Variants in ADGRF5 observed in about 807,000 individuals in gnomAD.
ADGRF5 encodes the protein G-protein coupled receptor 116.
ADGRF5 carries 75 observed loss-of-function variants against 132.3 expected under a neutral mutation model. The ratio of observed to expected loss-of-function variants is 0.57; its 90% CI spans 0.47 to 0.69. ADGRF5 has a LOEUF of 0.69. Among genes scored for constraint, ADGRF5 ranks in the 30% least tolerant of loss-of-function variants. The pLI, the probability that ADGRF5 is intolerant of heterozygous loss-of-function variation, is 0.00. For synonymous variants in ADGRF5, 629 were observed against 597.6 expected (o/e 1.05, Z -0.77); for missense variants, 1,516 against 1,630.6 (o/e 0.93, Z 1.21).
At chr6:46,897,607 C>T (rs193066255) in intron 3 of ADGRF5, among the ~76,000 whole-genome samples, 27 of 152,294 alleles carry the variant, frequency 1.8e-4, no homozygotes, top group Admixed American at 8.5e-4. Flanking sequence ...TGGAGTCTCG[C>T]GCTGTCGCCC....
intron 13 of ADGRF5, among the ~76,000 whole-genome samples, chr6:46,865,477 A>T (rs1770310134): frequency 6.6e-6 from 1 of 152,122 alleles, no homozygotes; most frequent in Non-Finnish European, 1.5e-5. Context: ...CCCTATCTAA[A>T]TTTCATCATG....
At chr6:46,908,559 T>C (rs1775627022) in intron 1 of ADGRF5, among the ~76,000 whole-genome samples, 1 of 152,180 alleles carries the variant, frequency 6.6e-6, no homozygotes. Flanking sequence ...TTTCCCAGTG[T>C]TGGCATTGCA....
chr6:46,883,786 G>C, intron 5 of ADGRF5, 121 bp from the exon 6 acceptor site: 1 of 627,262 alleles, frequency 1.6e-6, no homozygotes, highest in Non-Finnish European at 2.7e-6. Context: ...CTGTCTCCCA[G>C]GCTGGAGTGC....
intron 1 of ADGRF5, among the ~76,000 whole-genome samples, chr6:46,953,662 T>G (rs1427513964): frequency 8.3e-6 from 1 of 120,968 alleles, no homozygotes. Flanking sequence ...TATATATATA[T>G]ATATATATAT....
chr6:46,938,670 T>C (rs1042189080), intron 1 of ADGRF5, among the ~76,000 whole-genome samples: 1 of 152,192 alleles, frequency 6.6e-6, no homozygotes, highest in Admixed American at 6.5e-5. Flanking sequence ...CCAGGACTTC[T>C]GGGTTCCCCC....
Position 46,878,329 on chromosome 6 carries a change from T to C in ADGRF5, c.1113A>G (p.Gln371=), listed in dbSNP as rs766979211. 5 of 1,613,272 alleles carry C rather than the reference T, an allele frequency of 3.1e-6. No individual in the cohort carries two copies. The highest frequency in any genetic ancestry group is 4.2e-6 in the Non-Finnish European group (5 of 1,179,256). The stretch of plus-strand genomic sequence containing the variant: ...CCTTCATTTCTTCATTTGCCAAAAT[T>C]TGGATGGGCATAACATCTATTTTCT... ...CKKKIDVMPI[Q]ILANEEMKVM... is the part of the protein sequence containing the mutation. Residue 371 remains glutamine (Q), a synonymous_variant, in exon 10 of 21, where the codon CAA becomes CAG. Coordinates refer to ENST00000283296, the MANE Select transcript of ADGRF5 (RefSeq NM_001098518.2).
chr6:46,876,698 G>A (rs1423965889), intron 10 of ADGRF5, among the ~76,000 whole-genome samples: 1 of 152,060 alleles, frequency 6.6e-6, no homozygotes, highest in Non-Finnish European at 1.5e-5. Context: ...CGGCCTCTCG[G>A]GTTCAAGTGA....
At chr6:46,931,437 C>T (rs1386817834) in intron 1 of ADGRF5, among the ~76,000 whole-genome samples, 1 of 152,232 alleles carries the variant, frequency 6.6e-6, no homozygotes, top group Non-Finnish European at 1.5e-5. Flanking sequence ...CCTCAGTCTC[C>T]AGGTTGCCAT....
intron 2 of ADGRF5, among the ~76,000 whole-genome samples, chr6:46,903,095 G>A (rs1257383908): frequency 6.6e-6 from 1 of 152,100 alleles, no homozygotes; most frequent in Admixed American, 6.5e-5. Flanking sequence ...GCCGGCATGG[G>A]GCTCACTGGG....
At position 46,867,055 on chromosome 6, in the gene ADGRF5, C is replaced by G. The variant is rs1770530109; in HGVS notation, c.1704G>C (p.Lys568Asn). The change falls in exon 13 of 21, where the codon AAG becomes AAC. Residue 568 changes from lysine to asparagine, a missense_variant. Physicochemically the swap from Lys to Asn is moderately conservative, Grantham distance 94 (BLOSUM62 0). Coordinates refer to ENST00000283296, the MANE Select transcript of ADGRF5 (RefSeq NM_001098518.2). ...KDVIVHPLPL[K>N]LNIMVDPLEA... ...CCAAAGGATCAACCATGATGTTCAG[C>G]TTTAGAGGCAGCGGGTGAACAATGA... 1 of 1,613,760 alleles carries G rather than the reference C, an allele frequency of 6.2e-7. No individual in the cohort carries two copies. The highest frequency in any genetic ancestry group is 8.5e-7 in the Non-Finnish European group (1 of 1,179,644).
intron 17 of ADGRF5, among the ~76,000 whole-genome samples, chr6:46,857,788 T>C (rs961938475): frequency 1.3e-4 from 1 of 7,746 alleles, no homozygotes; most frequent in African/African-American, 1.4e-4. Flanking sequence ...GGGCAATCCC[T>C]GTCCTCACAA....
chr6:46,872,654 T>C (rs1029586865), intron 10 of ADGRF5, among the ~76,000 whole-genome samples: 3 of 152,102 alleles, frequency 2.0e-5, no homozygotes, highest in Non-Finnish European at 4.4e-5. Context: ...TAGCTCCCTT[T>C]CCATACCTTT....
In ADGRF5 at chr6:46,867,145, G is replaced by T; in HGVS notation, c.1622-8C>A. On this transcript the variant is annotated splice_region_variant and splice_polypyrimidine_tract_variant and intron_variant, in intron 12 of 20. Coordinates refer to ENST00000283296, the MANE Select transcript of ADGRF5 (RefSeq NM_001098518.2). ...ATATGCAGTGATAGGTTCCTGAGTA[G>T]AAGACGGCAAAAATGAGATGGAATG... is the stretch of plus-strand genomic sequence containing the variant. The T allele has an allele frequency of 2.0e-6, 3 of 1,476,712 alleles. No homozygotes were observed. Among genetic ancestry groups the T allele is most frequent in the Non-Finnish European group, 1.9e-6 (2 of 1,068,926 alleles). 91.5% of individuals were successfully genotyped at this position (1,476,712 alleles called of 1,614,324 possible). A position where few individuals can be genotyped will look rare whatever the true frequency, so the allele number is the denominator to read the frequency against.
At chr6:46,939,693 C>T (rs1253196648) in intron 1 of ADGRF5, among the ~76,000 whole-genome samples, 1 of 152,108 alleles carries the variant, frequency 6.6e-6, no homozygotes, top group African/African-American at 2.4e-5. Flanking sequence ...TGGGGAGCTT[C>T]AACTAATTAA....
At chr6:46,910,379 GTTA>G (rs929396443) in intron 1 of ADGRF5, among the ~76,000 whole-genome samples, 5 of 152,100 alleles carry the variant, frequency 3.3e-5, no homozygotes, top group Admixed American at 1.3e-4. Context: ...TTATTAATTG[GTTA>G]TTAATTATAA....
At chr6:46,916,979 C>T (rs1315104734) in intron 1 of ADGRF5, among the ~76,000 whole-genome samples, 1 of 152,182 alleles carries the variant, frequency 6.6e-6, no homozygotes, top group Non-Finnish European at 1.5e-5. Flanking sequence ...TCTATTTCTC[C>T]TTTCTGAGCT....
At position 46,872,021 on chromosome 6, in the gene ADGRF5, G is replaced by A. The variant is rs116927321; in HGVS notation, c.1241-8C>T. 341 of 1,575,004 alleles carry A rather than the reference G, an allele frequency of 2.2e-4. 3 individuals are homozygous for A. The East Asian group carries it at 7.7e-3, about 36-fold the overall frequency. On this transcript the variant is annotated splice_polypyrimidine_tract_variant and splice_region_variant and intron_variant, in intron 10 of 20. Transcript: ENST00000283296. ...TGTCTGTCTCAGGGGTTCCTATAAT[G>A]AGAAGCAAATTGTTGCCATCCCAGC...
At chr6:46,952,911 G>A (rs1404657228) in intron 1 of ADGRF5, among the ~76,000 whole-genome samples, 1 of 152,162 alleles carries the variant, frequency 6.6e-6, no homozygotes, top group East Asian at 1.9e-4. Flanking sequence ...AGTAGAAGAT[G>A]GATGGAGGGG....
chr6:46,872,132 G>A lies in ADGRF5; in HGVS notation c.1241-119C>T, dbSNP rs187350879. ...TACTATTTAAATAGATTTCTTCTCT[G>A]AATGGAGAAGTTGGGTTTATGGTGA... is the stretch of plus-strand genomic sequence containing the variant. On this transcript the variant is annotated intron_variant, in intron 10 of 20. Coordinates refer to ENST00000283296, the MANE Select transcript of ADGRF5 (RefSeq NM_001098518.2). The A allele has an allele frequency of 3.6e-5, 25 of 688,186 alleles. No individual in the cohort carries two copies. In the Middle Eastern group the frequency reaches 1.2e-3, roughly 32 times the overall value. 42.6% of individuals were successfully genotyped at this position (688,186 alleles called of 1,614,324 possible). A position where few individuals can be genotyped will look rare whatever the true frequency, so the allele number is the denominator to read the frequency against.
Sources: allele counts gnomAD v4.1 joint callset (sites outside exome capture counted in the v4.1 genomes callset), GRCh38; gene constraint gnomAD v4.1.1; transcripts MANE v1.5; gene names NCBI Gene and HGNC (gene_info 2026-07-23, HGNC 2026-07-21).